Variants in DLG1 observed in about 807,000 individuals in gnomAD.
DLG1 encodes the protein disks large homolog 1.
A neutral mutation model predicts 123.4 loss-of-function variants in DLG1; 42 were observed. The observed-to-expected ratio is 0.34, with a 90% CI of 0.27 to 0.44. DLG1 has a LOEUF of 0.44. DLG1 is among the 20% of genes least tolerant of loss of function. The pLI, the probability that DLG1 is intolerant of heterozygous loss-of-function variation, is 1.00. For synonymous variants in DLG1, 317 were observed against 356.2 expected, an observed-to-expected ratio of 0.89 and a Z score of 1.24; for missense variants, 942 against 1,082.6, an observed-to-expected ratio of 0.87 and a Z score of 1.82.
rs540229162 is a variant in DLG1 at position 197,068,759 on chromosome 3, A to G, written c.2047+460T>C. The stretch of plus-strand genomic sequence containing the variant: ...AGGTGATCATTGAAAATGTTTCCTT[A>G]TTTCTTCCGTTCACCAAGTGCTGGT... On this transcript the variant is annotated intron_variant, in intron 19 of 24. Transcript: ENST00000667157. 1.4e-4 allele frequency among the ~76,000 whole-genome samples: 22 copies of G among 152,214 alleles called. 1 individual carries two copies. In the South Asian group the frequency reaches 4.4e-3, roughly 30 times the overall value.
At chr3:197,108,986 T>G (rs1234689706) in intron 13 of DLG1, among the ~76,000 whole-genome samples, 2 of 152,236 alleles carry the variant, frequency 1.3e-5, no homozygotes, top group African/African-American at 4.8e-5. Context: ...GTGTACCATT[T>G]TAATTCCCAT....
At chr3:197,116,897 G>C (rs1469490111) in intron 12 of DLG1, among the ~76,000 whole-genome samples, 2 of 152,076 alleles carry the variant, frequency 1.3e-5, no homozygotes, top group South Asian at 4.1e-4. Context: ...TATCATATTA[G>C]TGATGTTTTA....
intron 5 of DLG1, among the ~76,000 whole-genome samples, chr3:197,179,290 TAA>T (rs1303030978): frequency 6.6e-6 from 1 of 151,976 alleles, no homozygotes; most frequent in East Asian, 1.9e-4. Context: ...GATAATCACT[TAA>T]ATTTAGTCAT....
At chr3:197,108,430 T>G (rs1241806544) in intron 13 of DLG1, among the ~76,000 whole-genome samples, 1 of 152,144 alleles carries the variant, frequency 6.6e-6, no homozygotes, top group Non-Finnish European at 1.5e-5. Flanking sequence ...GGTCCTGGGA[T>G]TTTTGTGTTT....
Position 197,182,945 on chromosome 3 carries a change from ATT to A in DLG1, c.483+11478_483+11479del, listed in dbSNP as rs1385372302. ...TATTTGCTCATCTCTTTAAATTGTG[ATT>A]TGACTATGTGAAAAAATATTCCATG... is the stretch of plus-strand genomic sequence containing the variant. On this transcript the variant is annotated intron_variant, in intron 5 of 24. Coordinates refer to ENST00000667157, the MANE Select transcript of DLG1 (RefSeq NM_001366207.1). Among the ~76,000 whole-genome samples the A allele has an allele frequency of 5.3e-5, 8 of 152,086 alleles. 1 individual carries two copies. The highest frequency in any genetic ancestry group is 1.9e-4 in the African/African-American group (8 of 41,508).
At chr3:197,178,598 G>T (rs1489404511) in intron 5 of DLG1, among the ~76,000 whole-genome samples, 1 of 152,198 alleles carries the variant, frequency 6.6e-6, no homozygotes, top group African/African-American at 2.4e-5. Flanking sequence ...CCTGAAATGT[G>T]AGTATAAAAA....
intron 4 of DLG1, among the ~76,000 whole-genome samples, chr3:197,196,712 T>C (rs561045643): frequency 6.6e-6 from 1 of 152,242 alleles, no homozygotes; most frequent in Admixed American, 6.5e-5. Flanking sequence ...TACACAGAAG[T>C]TAAACTGACC....
intron 4 of DLG1, among the ~76,000 whole-genome samples, chr3:197,275,387 T>C (rs1765915820): frequency 6.6e-6 from 1 of 152,106 alleles, no homozygotes. Context: ...GCACTCTCAC[T>C]GCGAGGTATA....
intron 5 of DLG1, among the ~76,000 whole-genome samples, chr3:197,173,981 GC>G (rs996764872): frequency 3.3e-5 from 5 of 152,180 alleles, no homozygotes; most frequent in Admixed American, 3.3e-4. Context: ...TACTTAGGAG[GC>G]TGGGGCATAA....
intron 15 of DLG1, among the ~76,000 whole-genome samples, chr3:197,088,933 T>G (rs1434485214): frequency 6.6e-6 from 1 of 152,238 alleles, no homozygotes; most frequent in Admixed American, 6.5e-5. Flanking sequence ...CTATTAGTTT[T>G]ATTAACAGAG....
chr3:197,105,699 G>C (rs948751989), intron 13 of DLG1, among the ~76,000 whole-genome samples: 3 of 152,042 alleles, frequency 2.0e-5, no homozygotes, highest in Non-Finnish European at 4.4e-5. Context: ...AATACTTTGC[G>C]CGCATATATA....
intron 4 of DLG1, among the ~76,000 whole-genome samples, chr3:197,264,397 A>C (rs1390192269): frequency 6.6e-6 from 1 of 152,146 alleles, no homozygotes; most frequent in Non-Finnish European, 1.5e-5. Context: ...ACTCAAAGAC[A>C]ATACTCGTTG....
At position 197,208,447 on chromosome 3, in the gene DLG1, G is replaced by A. The variant is rs1005703419; in HGVS notation, c.319-13858C>T. Among the ~76,000 whole-genome samples, 9 of 146,906 alleles carry A rather than the reference G, an allele frequency of 6.1e-5. 2 individuals are homozygous for A. The highest frequency in any genetic ancestry group is 1.2e-4 in the Non-Finnish European group (8 of 65,384). On this transcript the variant is annotated intron_variant, in intron 4 of 24. Transcript: ENST00000667157. ...ATATTGCCATGTTTACAATCGAAGT[G>A]TGTAGGCAGTTATTTATTGTAGTAT...
chr3:197,074,699 A>C (rs1746117424), intron 18 of DLG1, among the ~76,000 whole-genome samples: 1 of 152,106 alleles, frequency 6.6e-6, no homozygotes, highest in African/African-American at 2.4e-5. Context: ...AATCCTATAA[A>C]GGCACATGCA....
At chr3:197,147,837 A>C (rs1445226179) in intron 6 of DLG1, among the ~76,000 whole-genome samples, 3 of 151,344 alleles carry the variant, frequency 2.0e-5, no homozygotes, top group African/African-American at 7.3e-5. Flanking sequence ...AATCCAAAAA[A>C]CAAAAAATAA....
At chr3:197,231,720 A>C (rs1213764333) in intron 4 of DLG1, among the ~76,000 whole-genome samples, 4 of 151,832 alleles carry the variant, frequency 2.6e-5, no homozygotes, top group Non-Finnish European at 4.4e-5. Flanking sequence ...ACAACAAAAA[A>C]CAAAACAACA....
At chr3:197,117,748 A>T (rs11185464) in intron 12 of DLG1, among the ~76,000 whole-genome samples, 115,129 of 152,064 alleles carry the variant, frequency 0.76, 43,708 homozygotes, top group East Asian at 0.82. Context: ...GAAATAGTGA[A>T]GGGTTCCGAA....
intron 5 of DLG1, among the ~76,000 whole-genome samples, chr3:197,152,930 G>A (rs1001058490): frequency 5.9e-5 from 9 of 152,034 alleles, no homozygotes; most frequent in East Asian, 3.8e-4. Flanking sequence ...TTTAAAAATC[G>A]TGTTAAAATA....
chr3:197,080,267 CTTTTTTTT>C (rs767056279), intron 17 of DLG1, among the ~76,000 whole-genome samples: 51 of 51,902 alleles, frequency 9.8e-4, no homozygotes, highest in Non-Finnish European at 1.3e-3. Flanking sequence ...GATATATTTC[CTTTTTTTT>C]TTTTTTTTTT....
Sources: allele counts gnomAD v4.1 joint callset (sites outside exome capture counted in the v4.1 genomes callset), GRCh38; gene constraint gnomAD v4.1.1; transcripts MANE v1.5; gene names NCBI Gene and HGNC (gene_info 2026-07-23, HGNC 2026-07-21).